Variants in GPR37 observed in about 807,000 individuals in gnomAD.
GPR37 encodes the protein G protein-coupled receptor 37.
GPR37 carries 20 observed loss-of-function variants against 43.6 expected under a neutral mutation model. That is an observed-to-expected ratio of 0.46 (90% CI 0.32 to 0.67). The LOEUF is 0.67. GPR37 is among the 30% of genes least tolerant of loss of function. The pLI, the probability that GPR37 is intolerant of heterozygous loss-of-function variation, is 0.03. For synonymous variants in GPR37, 315 were observed against 322.6 expected, an observed-to-expected ratio of 0.98 and a Z score of 0.25; for missense variants, 724 against 797.2, an observed-to-expected ratio of 0.91 and a Z score of 1.11.
At chr7:124,748,071 G>A (rs1584723223) in intron 1 of GPR37, among the ~76,000 whole-genome samples, 2 of 152,232 alleles carry the variant, frequency 1.3e-5, no homozygotes, top group East Asian at 3.9e-4. Context: ...CTAGAAAAAT[G>A]GGGCAAGGTG....
chr7:124,750,966 TAGTACCA>T (rs1793723497), intron 1 of GPR37, among the ~76,000 whole-genome samples: 1 of 152,138 alleles, frequency 6.6e-6, no homozygotes, highest in South Asian at 2.1e-4. Flanking sequence ...CCAAAAGCTT[TAGTACCA>T]AGTCAAAAGC....
chr7:124,747,135 C>T lies in GPR37; in HGVS notation c.1232G>A (p.Ser411Asn), dbSNP rs750422451. The change falls in exon 2 of 2, where the codon AGT becomes AAT. Residue 411 changes from serine (S) to asparagine (N), a missense_variant. Physicochemically the swap from Ser to Asn is conservative, Grantham distance 46. Transcript: ENST00000303921. ...RQLSKEDLGF[S>N]GRAPAERCII... ...GCACCTTTCTGCCGGAGCTCGGCCA[C>T]TAAACCCCAAATCCTCCTTGCTCAG... 1 of 1,614,000 alleles carries T rather than the reference C, an allele frequency of 6.2e-7. No individual in the cohort carries two copies. The highest frequency in any genetic ancestry group is 2.2e-5 in the East Asian group (1 of 44,862).
intron 1 of GPR37, among the ~76,000 whole-genome samples, chr7:124,752,459 A>T (rs1232384832): frequency 6.6e-6 from 1 of 152,164 alleles, no homozygotes; most frequent in Non-Finnish European, 1.5e-5. Context: ...GTTGCTTTAC[A>T]TATGGAATCA....
Position 124,763,957 on chromosome 7 carries a change from T to C in GPR37, c.1020A>G (p.Ile340Met). ...EDFSCKIVPY[I>M]EVASLGVTTF... ...GAGAGCCCCTGGAAGGCATTACCTC[T>C]ATATAGGGCACGATCTTGCAGGAGA... is the stretch of plus-strand genomic sequence containing the variant. The change falls in exon 1 of 2, where the codon ATA becomes ATG. Residue 340 changes from isoleucine (I) to methionine (M), a missense_variant. Around this residue, in one of 2 missense-constraint regions of GPR37, gnomAD observed 342 missense variants for 441.8 expected, o/e 0.77. Transcript: ENST00000303921. 6.2e-7 allele frequency: 1 copy of C among 1,613,734 alleles called. No individual in the cohort carries two copies. The highest frequency in any genetic ancestry group is 8.5e-7 in the Non-Finnish European group (1 of 1,179,968).
chr7:124,758,110 T>A (rs1407528262), intron 1 of GPR37, among the ~76,000 whole-genome samples: 2 of 151,506 alleles, frequency 1.3e-5, no homozygotes, highest in African/African-American at 4.8e-5. Context: ...CTCATTATGA[T>A]CAATGGAAAA....
At chr7:124,757,846 T>G (rs1354532194) in intron 1 of GPR37, among the ~76,000 whole-genome samples, 1 of 152,126 alleles carries the variant, frequency 6.6e-6, no homozygotes, top group East Asian at 1.9e-4. Context: ...TAATAGTACC[T>G]CGCATAGAAG....
In GPR37 at chr7:124,747,299, G is replaced by A. The variant is rs1311323033; in HGVS notation, c.1068C>T (p.Cys356=). ...GVTTFTLCAL[C]IDRFRAATNV... Reference sequence around the variant, plus strand: ...TGGTGGCAGCACGGAAGCGGTCTATGCACAGAGCACATAAGGTGAAAGTGG... The same window carrying A: ...TGGTGGCAGCACGGAAGCGGTCTATACACAGAGCACATAAGGTGAAAGTGG... Residue 356 remains cysteine (C), a synonymous_variant, in exon 2 of 2, where the codon TGC becomes TGT. Transcript: ENST00000303921. 9 of 1,613,508 alleles carry A rather than the reference G, an allele frequency of 5.6e-6. No individual in the cohort carries two copies. The highest frequency in any genetic ancestry group is 1.7e-5 in the Admixed American group (1 of 59,966).
At chr7:124,762,455 T>C (rs1054288932) in intron 1 of GPR37, among the ~76,000 whole-genome samples, 10 of 151,408 alleles carry the variant, frequency 6.6e-5, no homozygotes, top group African/African-American at 1.7e-4. Context: ...CTTTTGTCTC[T>C]TTCTTGCATA....
At chr7:124,747,770 G>T (rs1323384030) in intron 1 of GPR37, among the ~76,000 whole-genome samples, 1 of 152,128 alleles carries the variant, frequency 6.6e-6, no homozygotes, top group Non-Finnish European at 1.5e-5. Flanking sequence ...ATGTTTTCCA[G>T]TGTGAGGGTC....
At chr7:124,753,559 C>A (rs1412650959) in intron 1 of GPR37, among the ~76,000 whole-genome samples, 1 of 151,670 alleles carries the variant, frequency 6.6e-6, no homozygotes, top group African/African-American at 2.4e-5. Context: ...AAAAAAAAAA[C>A]CTATAAAGTA....
Position 124,746,604 on chromosome 7 carries a change from G to A in GPR37, c.1763C>T (p.Thr588Ile). ...VTSDDNDNEY[T>I]TELELSPFST... ...GAAAGGCGAGAGTTCGAGTTCCGTG[G>A]TGTACTCGTTGTCATTGTCATCACT... Residue 588 changes from threonine to isoleucine, a missense_variant, in exon 2 of 2, where the codon ACC (threonine) becomes ATC (isoleucine). Transcript: ENST00000303921. 1 of 1,613,884 alleles carries A rather than the reference G, an allele frequency of 6.2e-7. No individual in the cohort carries two copies. Among genetic ancestry groups the A allele is most frequent in the Non-Finnish European group, 8.5e-7 (1 of 1,179,806 alleles).
At chr7:124,754,740 G>A (rs1270178820) in intron 1 of GPR37, among the ~76,000 whole-genome samples, 1 of 152,106 alleles carries the variant, frequency 6.6e-6, no homozygotes, top group African/African-American at 2.4e-5. Flanking sequence ...TTATTGTTAA[G>A]AAAACCCATT....
intron 1 of GPR37, among the ~76,000 whole-genome samples, chr7:124,756,442 A>G (rs1231875938): frequency 6.6e-6 from 1 of 152,210 alleles, no homozygotes; most frequent in Non-Finnish European, 1.5e-5. Context: ...TGACACAGTG[A>G]TCATATCCTG....
chr7:124,760,792 T>C (rs544841634), intron 1 of GPR37, among the ~76,000 whole-genome samples: 1 of 152,294 alleles, frequency 6.6e-6, no homozygotes, highest in Admixed American at 6.5e-5. Flanking sequence ...GTCTCTGAGC[T>C]TCAAATTTCA....
chr7:124,762,756 C>T (rs1793865547), intron 1 of GPR37, among the ~76,000 whole-genome samples: 1 of 152,226 alleles, frequency 6.6e-6, no homozygotes, highest in Non-Finnish European at 1.5e-5. Context: ...TTACTGTCTC[C>T]AGCTTTGGTC....
intron 1 of GPR37, among the ~76,000 whole-genome samples, chr7:124,757,636 C>G (rs374695341): frequency 6.6e-6 from 1 of 152,196 alleles, no homozygotes; most frequent in Non-Finnish European, 1.5e-5. Flanking sequence ...CTGGTCATAA[C>G]AAGCACAACT....
rs769813741 is a variant in GPR37, at chr7:124,764,502, C to T, written c.475G>A (p.Ala159Thr). 1 of 1,613,644 alleles carries T rather than the reference C, an allele frequency of 6.2e-7. No individual in the cohort carries two copies. Among genetic ancestry groups the T allele is most frequent in the Admixed American group, 1.7e-5 (1 of 60,028 alleles). Residue 159 changes from alanine to threonine, a missense_variant, in exon 1 of 2, where the codon GCT (alanine) becomes ACT (threonine). Transcript: ENST00000303921. The surrounding 1 kb of genome is among the most constrained non-coding windows in gnomAD (Gnocchi z 5.4). ...SEEEEKGPRGAGISGRSQEQS... is the reference protein window; with the variant it reads ...SEEEEKGPRGTGISGRSQEQS... ...TCCTGGCTACGCCCGGAAATGCCAGCGCCTCTGGGACCCTTCTCTTCCTCC... is the reference window on the plus strand; with the variant it reads ...TCCTGGCTACGCCCGGAAATGCCAGTGCCTCTGGGACCCTTCTCTTCCTCC...
At chr7:124,760,469 T>C (rs1336926632) in intron 1 of GPR37, among the ~76,000 whole-genome samples, 1 of 152,232 alleles carries the variant, frequency 6.6e-6, no homozygotes, top group African/African-American at 2.4e-5. Flanking sequence ...AAAAGTATAG[T>C]TGTCTCAGAT....
chr7:124,758,613 C>T (rs1793819100), intron 1 of GPR37, among the ~76,000 whole-genome samples: 1 of 152,178 alleles, frequency 6.6e-6, no homozygotes, highest in South Asian at 2.1e-4. Flanking sequence ...CTTGTCAGTG[C>T]TAGCTACAAT....
Sources: gnomAD v4.1 joint callset for allele counts (sites outside exome capture counted in the v4.1 genomes callset) on GRCh38, gnomAD v4.1.1 for gene constraint, gnomAD v4.1.1 regional missense constraint, Gnocchi (gnomAD v3.1) non-coding constraint, MANE v1.5 for transcripts, NCBI Gene and HGNC (gene_info 2026-07-23, HGNC 2026-07-21) for gene names.